Variants in WWTR1 observed in about 807,000 individuals in gnomAD.
WWTR1 encodes the protein WW domain-containing transcription regulator protein 1.
In WWTR1, 13 loss-of-function variants were observed where a neutral mutation model predicts 40.1. The observed-to-expected ratio is 0.32, with a 90% CI of 0.21 to 0.52. The LOEUF is 0.52. Among genes scored for constraint, WWTR1 ranks in the 20% least tolerant of loss-of-function variants. The probability of loss-of-function intolerance (pLI) is 0.97; values close to 1 mark genes in which losing one functional copy is unlikely to be tolerated. For missense variants in WWTR1, 436 were observed against 523.1 expected, an observed-to-expected ratio of 0.83 and a Z score of 1.63; for synonymous variants, 230 against 210.1, an observed-to-expected ratio of 1.09 and a Z score of -0.82.
intron 2 of WWTR1, among the ~76,000 whole-genome samples, chr3:149,634,022 C>T (rs1560095362): frequency 6.6e-6 from 1 of 152,202 alleles, no homozygotes; most frequent in Admixed American, 6.5e-5. Flanking sequence ...GGCTAGTGTG[C>T]TGCAGTCTAC....
chr3:149,609,005 G>A (rs988617196), intron 2 of WWTR1, among the ~76,000 whole-genome samples: 2 of 152,168 alleles, frequency 1.3e-5, no homozygotes, highest in Admixed American at 1.3e-4. Flanking sequence ...GGAGGTAGAG[G>A]TAGCAGTGAG....
chr3:149,709,747 A>T (rs1293219987), intron 5 of WWTR1, among the ~76,000 whole-genome samples: 1 of 152,110 alleles, frequency 6.6e-6, no homozygotes, highest in Non-Finnish European at 1.5e-5. Flanking sequence ...TCTACTAAAA[A>T]TACAAAATTA....
chr3:149,615,807 C>T (rs1489101736), intron 2 of WWTR1, among the ~76,000 whole-genome samples: 3 of 152,196 alleles, frequency 2.0e-5, no homozygotes, highest in Non-Finnish European at 4.4e-5. Context: ...AGCGGCCACA[C>T]CACAGAGGTG....
chr3:149,537,476 G>A (rs1310849348), intron 4 of WWTR1, among the ~76,000 whole-genome samples: 1 of 152,200 alleles, frequency 6.6e-6, no homozygotes, highest in Non-Finnish European at 1.5e-5. Flanking sequence ...TTCTAGGTAA[G>A]AGTATAGGTG....
At chr3:149,624,070 G>A (rs1438585536) in intron 2 of WWTR1, among the ~76,000 whole-genome samples, 1 of 152,154 alleles carries the variant, frequency 6.6e-6, no homozygotes, top group Non-Finnish European at 1.5e-5. Context: ...CCACTACCAT[G>A]ACCACTTCCA....
chr3:149,597,074 C>T (rs1040913312), intron 2 of WWTR1, among the ~76,000 whole-genome samples: 1 of 152,118 alleles, frequency 6.6e-6, no homozygotes, highest in African/African-American at 2.4e-5. Flanking sequence ...ATGCAAAGCT[C>T]TTAACATGGT....
chr3:149,528,389 C>G (rs1452081374), intron 4 of WWTR1, among the ~76,000 whole-genome samples: 2 of 152,196 alleles, frequency 1.3e-5, no homozygotes, highest in Non-Finnish European at 2.9e-5. Flanking sequence ...CACTTACAGG[C>G]CAGTAAAACT....
chr3:149,530,005 G>T (rs775528027), intron 4 of WWTR1, among the ~76,000 whole-genome samples: 2 of 152,152 alleles, frequency 1.3e-5, no homozygotes, highest in Non-Finnish European at 2.9e-5. Flanking sequence ...AAGTTGATGA[G>T]ATGGCTGCAT....
At chr3:149,542,070 T>C (rs879489131) in intron 4 of WWTR1, among the ~76,000 whole-genome samples, 4 of 152,198 alleles carry the variant, frequency 2.6e-5, no homozygotes, top group Non-Finnish European at 5.9e-5. Flanking sequence ...ACTTTCTCCT[T>C]TCTCTCCTTC....
At chr3:149,573,598 T>G (rs1010281360) in intron 2 of WWTR1, among the ~76,000 whole-genome samples, 1 of 152,024 alleles carries the variant, frequency 6.6e-6, no homozygotes, top group African/African-American at 2.4e-5. Context: ...AAGGTGACAA[T>G]AGGGTAGCTG....
chr3:149,684,284 G>A (rs1036452379), intron 1 of WWTR1, among the ~76,000 whole-genome samples: 6 of 152,174 alleles, frequency 3.9e-5, no homozygotes, highest in African/African-American at 1.4e-4. Context: ...GCCTCCCAAA[G>A]TGTTAGGATT....
chr3:149,691,067 A>G (rs1278236560), intron 1 of WWTR1, among the ~76,000 whole-genome samples: 1 of 152,108 alleles, frequency 6.6e-6, no homozygotes, highest in Non-Finnish European at 1.5e-5. Flanking sequence ...TGATTGAGAA[A>G]AAATTTAAAA....
chr3:149,598,693 G>A (rs181978183), intron 2 of WWTR1, among the ~76,000 whole-genome samples: 42 of 152,006 alleles, frequency 2.8e-4, no homozygotes, highest in East Asian at 2.1e-3. Context: ...TTCAAATGCC[G>A]TTAAAAACTT....
chr3:149,547,399 G>C (rs1007668258), intron 3 of WWTR1, among the ~76,000 whole-genome samples: 2 of 151,964 alleles, frequency 1.3e-5, no homozygotes, highest in Non-Finnish European at 2.9e-5. Context: ...GTTGGCAGGT[G>C]CCTATAATCC....
upstream of WWTR1, among the ~76,000 whole-genome samples, chr3:149,708,048 G>T (rs7645888): frequency 0.34 from 51,737 of 151,752 alleles, 9,099 homozygotes; most frequent in African/African-American, 0.43. Flanking sequence ...AAGGGCTACT[G>T]CTTTGTCTTC....
intron 4 of WWTR1, chr3:149,724,025 T>A (rs1359209171): frequency 1.3e-5 from 2 of 152,152 alleles, no homozygotes; most frequent in African/African-American, 4.8e-5. Flanking sequence ...CAATTATTGC[T>A]CAAGCCCTGG....
At chr3:149,692,267 A>G (rs193275366) in intron 1 of WWTR1, among the ~76,000 whole-genome samples, 7 of 152,332 alleles carry the variant, frequency 4.6e-5, no homozygotes, top group African/African-American at 1.2e-4. Flanking sequence ...AAATACTAGC[A>G]AACTGAATTC....
At chr3:149,550,944 G>A (rs1736593268) in intron 3 of WWTR1, among the ~76,000 whole-genome samples, 1 of 142,018 alleles carries the variant, frequency 7.0e-6, no homozygotes, top group Admixed American at 7.1e-5. Context: ...TAAAAAGCTT[G>A]CTTCTATAAT....
intron 2 of WWTR1, among the ~76,000 whole-genome samples, chr3:149,623,029 T>C (rs369431394): frequency 3.3e-5 from 5 of 152,148 alleles, no homozygotes; most frequent in African/African-American, 1.2e-4. Flanking sequence ...TAAGAACAAA[T>C]TCTAATGAAG....
Sources: allele counts gnomAD v4.1 joint callset (sites outside exome capture counted in the v4.1 genomes callset), GRCh38; gene constraint gnomAD v4.1.1; transcripts MANE v1.5; gene names NCBI Gene and HGNC (gene_info 2026-07-23, HGNC 2026-07-21).